Variants in BANK1 observed in about 807,000 individuals in gnomAD.
BANK1 encodes B cell scaffold protein with ankyrin repeats 1.
BANK1 carries 95 observed loss-of-function variants against 94.5 expected under a neutral mutation model. The ratio of observed to expected loss-of-function variants is 1.00; its 90% CI spans 0.85 to 1.19. The LOEUF (loss-of-function observed/expected upper bound fraction) is 1.19. BANK1 is among the 50% of genes most tolerant of loss of function. The pLI is 0.00. For missense variants in BANK1, 987 were observed against 932.2 expected, an observed-to-expected ratio of 1.06 and a Z score of -0.77; for synonymous variants, 334 against 308.4, an observed-to-expected ratio of 1.08 and a Z score of -0.87.
At chr4:101,912,838 G>C (rs1328683281) in intron 6 of BANK1, among the ~76,000 whole-genome samples, 1 of 151,758 alleles carries the variant, frequency 6.6e-6, no homozygotes, top group African/African-American at 2.4e-5. Flanking sequence ...CCTTGTCTTT[G>C]TGCATTTTAT....
chr4:102,058,628 C>T (rs1441412170), intron 11 of BANK1, among the ~76,000 whole-genome samples: 1 of 151,234 alleles, frequency 6.6e-6, no homozygotes, highest in African/African-American at 2.4e-5. Context: ...AGTAAAGTGC[C>T]TAAATCATTT....
intron 12 of BANK1, chr4:102,062,696 C>T (rs1253956461): frequency 5.5e-6 from 1 of 183,020 alleles, no homozygotes; most frequent in African/African-American, 2.3e-5. Flanking sequence ...CTATGTAGCC[C>T]TTCTGCTTTT....
chr4:101,894,596 T>C (rs1301334018), intron 5 of BANK1, among the ~76,000 whole-genome samples: 1 of 152,066 alleles, frequency 6.6e-6, no homozygotes, highest in African/African-American at 2.4e-5. Context: ...CCCATGACTT[T>C]GTTGATTGGC....
chr4:102,026,304 A>T (rs1293260308), intron 9 of BANK1, among the ~76,000 whole-genome samples: 2 of 152,152 alleles, frequency 1.3e-5, no homozygotes, highest in African/African-American at 2.4e-5. Flanking sequence ...TCATTATTTC[A>T]TATGTACTTT....
chr4:102,015,303 C>T (rs970879949), intron 7 of BANK1, among the ~76,000 whole-genome samples: 1 of 151,728 alleles, frequency 6.6e-6, no homozygotes, highest in Non-Finnish European at 1.5e-5. Flanking sequence ...TGACTTTGTA[C>T]TTTGTTATTC....
intron 7 of BANK1, among the ~76,000 whole-genome samples, chr4:101,941,715 A>G (rs994039467): frequency 6.7e-6 from 1 of 148,920 alleles, no homozygotes; most frequent in African/African-American, 2.4e-5. Context: ...CACTATAAAT[A>G]TATATATATG....
intron 8 of BANK1, among the ~76,000 whole-genome samples, chr4:102,022,741 C>G (rs1230993358): frequency 2.0e-5 from 3 of 152,148 alleles, no homozygotes; most frequent in Non-Finnish European, 4.4e-5. Flanking sequence ...GGACTAAACA[C>G]TCTTCTGCTC....
chr4:101,867,204 G>A (rs1238133657), intron 4 of BANK1, among the ~76,000 whole-genome samples: 3 of 146,854 alleles, frequency 2.0e-5, no homozygotes, highest in African/African-American at 5.0e-5. Context: ...AAAGAATTAC[G>A]TTGAATTTCT....
intron 7 of BANK1, among the ~76,000 whole-genome samples, chr4:101,940,916 C>T (rs1723721231): frequency 6.6e-6 from 1 of 151,716 alleles, no homozygotes; most frequent in South Asian, 2.1e-4. Flanking sequence ...AAGGACGTCA[C>T]TAAGCACAAT....
chr4:102,010,033 A>G (rs532004970), intron 7 of BANK1, among the ~76,000 whole-genome samples: 221 of 152,242 alleles, frequency 1.5e-3, no homozygotes, highest in South Asian at 6.2e-3. Flanking sequence ...TTGGGAGGCT[A>G]AGGTGGGCAG....
At chr4:101,854,890 A>G in intron 2 of BANK1, 145 bp from the exon 3 acceptor site, 1 of 567,090 alleles carries the variant, frequency 1.8e-6, no homozygotes, top group East Asian at 2.8e-5. Context: ...AATTATTAAC[A>G]TTGGTTCAAT....
chr4:101,796,828 G>A (rs1041147159), intron 1 of BANK1, among the ~76,000 whole-genome samples: 3 of 152,144 alleles, frequency 2.0e-5, no homozygotes, highest in Non-Finnish European at 2.9e-5. Flanking sequence ...GCATACATTA[G>A]TGAGAGAATG....
intron 2 of BANK1, among the ~76,000 whole-genome samples, chr4:101,834,037 C>T (rs1304845518): frequency 1.3e-5 from 2 of 152,160 alleles, no homozygotes; most frequent in Non-Finnish European, 2.9e-5. Context: ...TCTCCACACC[C>T]ATAATTTCTA....
chr4:101,874,756 C>T (rs1296978051), intron 5 of BANK1, among the ~76,000 whole-genome samples: 3 of 152,148 alleles, frequency 2.0e-5, no homozygotes, highest in Non-Finnish European at 2.9e-5. Context: ...GCATATTATG[C>T]TCTTTTCTTC....
chr4:101,801,445 A>G (rs183471578), intron 1 of BANK1, among the ~76,000 whole-genome samples: 9 of 152,326 alleles, frequency 5.9e-5, no homozygotes, highest in African/African-American at 2.2e-4. Context: ...CAGAAAAAAA[A>G]TTCCAATGAA....
chr4:101,894,015 C>T (rs1024552568), intron 5 of BANK1, among the ~76,000 whole-genome samples: 6 of 151,982 alleles, frequency 3.9e-5, no homozygotes, highest in Admixed American at 1.3e-4. Flanking sequence ...GTCTAGAATG[C>T]TCCTTGTGTG....
chr4:101,960,856 T>G (rs1724542537), intron 7 of BANK1, among the ~76,000 whole-genome samples: 1 of 152,184 alleles, frequency 6.6e-6, no homozygotes, highest in Non-Finnish European at 1.5e-5. Context: ...CTCCGCCTCT[T>G]CTACTAACAA....
intron 10 of BANK1, among the ~76,000 whole-genome samples, chr4:102,037,414 A>C (rs1727545305): frequency 6.6e-6 from 1 of 152,232 alleles, no homozygotes; most frequent in East Asian, 1.9e-4. Flanking sequence ...TCGAACAACC[A>C]TATGAAACAG....
intron 7 of BANK1, among the ~76,000 whole-genome samples, chr4:102,011,848 A>G (rs1302333082): frequency 6.6e-6 from 1 of 152,110 alleles, no homozygotes; most frequent in African/African-American, 2.4e-5. Flanking sequence ...TCTTGTCTAG[A>G]AATAATTTTT....
Sources: allele counts gnomAD v4.1 joint callset (sites outside exome capture counted in the v4.1 genomes callset), GRCh38; gene constraint gnomAD v4.1.1; transcripts MANE v1.5; gene names NCBI Gene and HGNC (gene_info 2026-07-23, HGNC 2026-07-21).